The following RBMS3 variants were observed in gnomAD, a reference collection of about 807,000 sequenced individuals.
RBMS3 encodes the protein RNA binding motif single stranded interacting protein 3.
In RBMS3, 27 loss-of-function variants were observed where a neutral mutation model predicts 66.8. That is an observed-to-expected ratio of 0.40 (90% CI 0.30 to 0.56). The LOEUF (loss-of-function observed/expected upper bound fraction) is 0.56. Ranked by LOEUF, RBMS3 falls within the 20% of genes least tolerant of loss-of-function variation. RBMS3 has a pLI of 0.40. For synonymous variants in RBMS3, 188 were observed against 183.0 expected (o/e 1.03, Z -0.22); for missense variants, 513 against 549.5 (o/e 0.93, Z 0.66).
intron 1 of RBMS3, among the ~76,000 whole-genome samples, chr3:29,330,913 G>A (rs6777437): frequency 0.62 from 94,798 of 151,952 alleles, 29,832 homozygotes; most frequent in Admixed American, 0.7. Context: ...CTGGAATAAA[G>A]TTGCTTTGCA....
At chr3:29,821,441 A>T (rs1007983646) in intron 6 of RBMS3, among the ~76,000 whole-genome samples, 1 of 152,138 alleles carries the variant, frequency 6.6e-6, no homozygotes, top group African/African-American at 2.4e-5. Flanking sequence ...GGTTTTTTAC[A>T]TGACTCCCAA....
At chr3:29,435,011 G>T in intron 2 of RBMS3, 96 bp downstream of exon 2, 2 of 1,232,426 alleles carry the variant, frequency 1.6e-6, no homozygotes, top group South Asian at 3.3e-5. Context: ...ATCCACTGGT[G>T]TCTCAGTGAG....
chr3:29,567,648 A>G (rs148620195), intron 3 of RBMS3, among the ~76,000 whole-genome samples: 1 of 152,262 alleles, frequency 6.6e-6, no homozygotes, highest in Non-Finnish European at 1.5e-5. Context: ...GGTCTATTGC[A>G]TAACTGCCCC....
intron 6 of RBMS3, among the ~76,000 whole-genome samples, chr3:29,847,290 C>T (rs946445091): frequency 2.6e-5 from 4 of 152,190 alleles, no homozygotes; most frequent in Admixed American, 6.5e-5. Context: ...ATATGATGCA[C>T]ATTTGTTTAC....
At chr3:29,640,838 A>G (rs1171208068) in intron 4 of RBMS3, among the ~76,000 whole-genome samples, 2 of 151,818 alleles carry the variant, frequency 1.3e-5, no homozygotes, top group African/African-American at 4.8e-5. Context: ...GGCTATCTCT[A>G]CCCCTTACTC....
chr3:29,488,430 CT>C lies in RBMS3; in HGVS notation c.249-10del. The C allele has an allele frequency of 6.3e-7, 1 of 1,596,370 alleles. No individual in the cohort carries two copies. On this transcript the variant is annotated splice_polypyrimidine_tract_variant and intron_variant, in intron 2 of 14. Coordinates refer to ENST00000383767, the MANE Select transcript of RBMS3 (RefSeq NM_001003793.3). ...CAATAACATGGGTTTTTTTCTCTCT[CT>C]CTCTTTCAGGTATGGAAAAATTGTA...
At chr3:29,365,505 A>G (rs1237483343) in intron 1 of RBMS3, among the ~76,000 whole-genome samples, 1 of 152,154 alleles carries the variant, frequency 6.6e-6, no homozygotes, top group Non-Finnish European at 1.5e-5. Context: ...TGGATCTTCT[A>G]GGCTAAAATT....
chr3:29,443,838 T>C (rs2041717880), intron 2 of RBMS3, among the ~76,000 whole-genome samples: 1 of 152,114 alleles, frequency 6.6e-6, no homozygotes, highest in Non-Finnish European at 1.5e-5. Flanking sequence ...TACTCATGAA[T>C]GGCATATGAC....
chr3:29,401,948 C>A (rs1323149254), intron 1 of RBMS3, among the ~76,000 whole-genome samples: 5 of 151,910 alleles, frequency 3.3e-5, no homozygotes, highest in Non-Finnish European at 5.9e-5. Context: ...ACAAGTTGCC[C>A]AAGAGTAAAG....
At chr3:29,932,270 T>A (rs769985289) in intron 10 of RBMS3, among the ~76,000 whole-genome samples, 3 of 152,164 alleles carry the variant, frequency 2.0e-5, no homozygotes, top group Non-Finnish European at 2.9e-5. Context: ...ATAATGTGAT[T>A]ATCACATAAA....
chr3:29,460,955 A>T (rs1213530562), intron 2 of RBMS3, among the ~76,000 whole-genome samples: 1 of 152,182 alleles, frequency 6.6e-6, no homozygotes, highest in Non-Finnish European at 1.5e-5. Flanking sequence ...TCTGGCGGAC[A>T]ATGTATACTG....
chr3:29,846,837 AT>A (rs1270721479), intron 6 of RBMS3, among the ~76,000 whole-genome samples: 2 of 152,192 alleles, frequency 1.3e-5, no homozygotes, highest in Non-Finnish European at 2.9e-5. Context: ...ACAAAGAGGA[AT>A]TTTTACTAAT....
chr3:29,425,461 G>A (rs377364710), intron 1 of RBMS3, among the ~76,000 whole-genome samples: 86 of 149,750 alleles, frequency 5.7e-4, no homozygotes, highest in African/African-American at 2.1e-3. Flanking sequence ...GAAAAACCCC[G>A]TCTCTACTAA....
At chr3:29,874,835 A>G (rs1388761710) in intron 7 of RBMS3, among the ~76,000 whole-genome samples, 1 of 152,170 alleles carries the variant, frequency 6.6e-6, no homozygotes, top group Non-Finnish European at 1.5e-5. Flanking sequence ...TAAGCCCAAT[A>G]TTTACTAACC....
At chr3:29,464,591 G>C (rs1575894604) in intron 2 of RBMS3, among the ~76,000 whole-genome samples, 2 of 152,270 alleles carry the variant, frequency 1.3e-5, no homozygotes, top group East Asian at 3.9e-4. Flanking sequence ...AAAAATTTCT[G>C]TGGCATTTGG....
At chr3:29,519,653 TTGGC>T (rs2044777486) in intron 3 of RBMS3, among the ~76,000 whole-genome samples, 1 of 152,130 alleles carries the variant, frequency 6.6e-6, no homozygotes, top group African/African-American at 2.4e-5. Flanking sequence ...AATCTCCTGC[TTGGC>T]TTTCACACTT....
chr3:29,595,417 A>AAAAG (rs1345893235), intron 4 of RBMS3, among the ~76,000 whole-genome samples: 4 of 148,604 alleles, frequency 2.7e-5, no homozygotes, highest in African/African-American at 7.5e-5. Flanking sequence ...AAAAAAAAAG[A>AAAAG]AAAGAAAGAA....
At chr3:29,891,955 A>G (rs1463557697) in intron 8 of RBMS3, among the ~76,000 whole-genome samples, 2 of 151,518 alleles carry the variant, frequency 1.3e-5, no homozygotes, top group Non-Finnish European at 3.0e-5. Flanking sequence ...GTTTATTTCA[A>G]TATGTAAATA....
chr3:29,851,764 T>C (rs1205016296), intron 6 of RBMS3, among the ~76,000 whole-genome samples: 1 of 152,224 alleles, frequency 6.6e-6, no homozygotes, highest in Non-Finnish European at 1.5e-5. Flanking sequence ...TTCTCCCTCC[T>C]GACCACATAA....
Sources: gnomAD v4.1 joint callset for allele counts (sites outside exome capture counted in the v4.1 genomes callset) on GRCh38, gnomAD v4.1.1 for gene constraint, MANE v1.5 for transcripts, NCBI Gene and HGNC (gene_info 2026-07-23, HGNC 2026-07-21) for gene names.